Variants in LRRN1 observed in about 807,000 individuals in gnomAD.
LRRN1 encodes leucine-rich repeat neuronal protein 1.
In LRRN1, 14 loss-of-function variants were observed where a neutral mutation model predicts 45.8. The observed-to-expected ratio is 0.31, with a 90% CI of 0.20 to 0.48. The LOEUF (loss-of-function observed/expected upper bound fraction) is 0.48. LRRN1 is among the 20% of genes least tolerant of loss of function. LRRN1 has a pLI of 0.99. For synonymous variants in LRRN1, 359 were observed against 330.1 expected (o/e 1.09, Z -0.95); for missense variants, 789 against 874.2 (o/e 0.90, Z 1.23).
chr3:3,823,797 A>C (rs1440876272), intron 1 of LRRN1, among the ~76,000 whole-genome samples: 1 of 152,120 alleles, frequency 6.6e-6, no homozygotes, highest in East Asian at 1.9e-4. Flanking sequence ...AGCTAAACAC[A>C]GTTTCTCTTA....
intron 1 of LRRN1, among the ~76,000 whole-genome samples, chr3:3,831,119 C>G (rs1440433506): frequency 6.6e-6 from 1 of 152,184 alleles, no homozygotes. Flanking sequence ...TGCTTCTGTT[C>G]TGGACCCCAC....
Position 3,845,812 on chromosome 3 carries a change from T to G in LRRN1, c.1171T>G (p.Phe391Val). Residue 391 changes from phenylalanine (F) to valine (V), a missense_variant, in exon 2 of 2, where the codon TTC (phenylalanine) becomes GTC (valine). Transcript: ENST00000319331. The surrounding 1 kb of genome is among the most constrained non-coding windows in gnomAD (Gnocchi z 6.5). ...TAACTCCAACAAAACCAACATCCGCTTCATGGAGCCCCTGTCCATGTTCTG... is the reference window on the plus strand; with the variant it reads ...TAACTCCAACAAAACCAACATCCGCGTCATGGAGCCCCTGTCCATGTTCTG... ...WINSNKTNIR[F>V]MEPLSMFCAM... 1 of 1,614,124 alleles carries G rather than the reference T, an allele frequency of 6.2e-7. No homozygotes were observed. The highest frequency in any genetic ancestry group is 8.5e-7 in the Non-Finnish European group (1 of 1,180,028).
Position 3,844,641 on chromosome 3 carries a change from C to A in LRRN1, c.-1C>A. ...GAGTTGAGCTTGCTCAGCAAGCCAG[C>A]ATGGCTAGGATGAGCTTTGTTATAG... On this transcript the variant is annotated 5_prime_UTR_variant, in exon 2 of 2. Transcript: ENST00000319331. The A allele has an allele frequency of 6.2e-7, 1 of 1,604,732 alleles. No individual in the cohort carries two copies. Among genetic ancestry groups the A allele is most frequent in the Non-Finnish European group, 8.5e-7 (1 of 1,174,114 alleles).
intron 1 of LRRN1, among the ~76,000 whole-genome samples, chr3:3,836,878 G>C (rs1342157098): frequency 2.0e-5 from 3 of 152,102 alleles, no homozygotes; most frequent in African/African-American, 7.2e-5. Flanking sequence ...CATGTGGTTG[G>C]CCTGCTATTA....
At position 3,817,692 on chromosome 3, in the gene LRRN1, GT is replaced by G. The variant is rs1330289579; in HGVS notation, c.-279+17787del. Among the ~76,000 whole-genome samples, 236 of 141,124 alleles carry G rather than the reference GT, an allele frequency of 1.7e-3. 2 individuals are homozygous for G. The highest frequency in any genetic ancestry group is 8.7e-3 in the East Asian group (42 of 4,826). The allele number at this position is 141,124 out of a possible 152,430, so 92.6% of individuals were successfully genotyped here. On this transcript the variant is annotated intron_variant, in intron 1 of 1. Coordinates refer to ENST00000319331, the MANE Select transcript of LRRN1 (RefSeq NM_020873.7). ...CCCGTCTTAAGGACATTGGATGTTA[GT>G]TTTTTTTTTTTTTAAATAAAAATGT...
At chr3:3,803,485 G>A (rs992512174) in intron 1 of LRRN1, among the ~76,000 whole-genome samples, 11 of 152,146 alleles carry the variant, frequency 7.2e-5, no homozygotes, top group Admixed American at 1.3e-4. Context: ...CAGCACTAAT[G>A]TCAGGTTATT....
intron 1 of LRRN1, among the ~76,000 whole-genome samples, chr3:3,822,491 C>T (rs1452196136): frequency 3.3e-5 from 5 of 152,102 alleles, no homozygotes; most frequent in South Asian, 2.1e-4. Flanking sequence ...AGATGCCTAT[C>T]TCTTGTTTTA....
rs912401738 is a variant in LRRN1, at chr3:3,835,929, G to C, written c.-278-8435G>C. On this transcript the variant is annotated intron_variant, in intron 1 of 1. Coordinates refer to ENST00000319331, the MANE Select transcript of LRRN1 (RefSeq NM_020873.7). Reference sequence around the variant, plus strand: ...TTGTGGGACTCTTGAAATGCATCCCGTGCCAATTCTGGGCCTTAAAGCCAT... The same window carrying C: ...TTGTGGGACTCTTGAAATGCATCCCCTGCCAATTCTGGGCCTTAAAGCCAT... Among the ~76,000 whole-genome samples, 3 of 151,604 alleles carry C rather than the reference G, an allele frequency of 2.0e-5. No individual in the cohort carries two copies. In the South Asian group the frequency reaches 6.2e-4, roughly 31 times the overall value.
chr3:3,823,230 T>A (rs1044681086), intron 1 of LRRN1, among the ~76,000 whole-genome samples: 1 of 152,142 alleles, frequency 6.6e-6, no homozygotes, highest in Non-Finnish European at 1.5e-5. Flanking sequence ...GTGTGTCCTG[T>A]GGGAGGTGGT....
intron 1 of LRRN1, among the ~76,000 whole-genome samples, chr3:3,807,779 G>A (rs1406767278): frequency 6.6e-6 from 1 of 152,122 alleles, no homozygotes; most frequent in Non-Finnish European, 1.5e-5. Flanking sequence ...GAACCATAAG[G>A]ACAGTGGAGT....
At chr3:3,819,572 T>C (rs1693059979) in intron 1 of LRRN1, among the ~76,000 whole-genome samples, 1 of 152,172 alleles carries the variant, frequency 6.6e-6, no homozygotes, top group African/African-American at 2.4e-5. Flanking sequence ...TGTCACATGG[T>C]GTTTTTGCTG....
intron 1 of LRRN1, among the ~76,000 whole-genome samples, chr3:3,811,944 C>T (rs1336855922): frequency 6.6e-6 from 1 of 152,194 alleles, no homozygotes; most frequent in Non-Finnish European, 1.5e-5. Context: ...CACGTAATAG[C>T]TGTGCTCAGT....
chr3:3,832,895 G>A (rs886099648), intron 1 of LRRN1, among the ~76,000 whole-genome samples: 5 of 152,170 alleles, frequency 3.3e-5, no homozygotes, highest in African/African-American at 1.2e-4. Context: ...TTAGCCAATG[G>A]CAGAGCTCTA....
chr3:3,827,566 A>G, intron 1 of LRRN1: 1 of 449,712 alleles, frequency 2.2e-6, no homozygotes. Context: ...CCATTATTCA[A>G]GCCATTCCTA....
Position 3,846,934 on chromosome 3 carries a change from A to T in LRRN1, c.*142A>T. On this transcript the variant is annotated 3_prime_UTR_variant, in exon 2 of 2. Coordinates refer to ENST00000319331, the MANE Select transcript of LRRN1 (RefSeq NM_020873.7). The surrounding 1 kb of genome is among the most constrained non-coding windows in gnomAD (Gnocchi z 5.7). ...TGGAGAGGACGGGTGGATATTTCAA[A>T]TTTTTTTAGTATAGCGTATCGCAAG... is the stretch of plus-strand genomic sequence containing the variant. 3 of 671,080 alleles carry T rather than the reference A, an allele frequency of 4.5e-6. No homozygotes were observed. The highest frequency in any genetic ancestry group is 7.4e-6 in the Non-Finnish European group (3 of 404,518). The allele number at this position is 671,080 out of a possible 1,614,324, so 41.6% of individuals were successfully genotyped here. A position where few individuals can be genotyped will look rare whatever the true frequency, so the allele number is the denominator to read the frequency against.
At chr3:3,810,212 A>G (rs1281824600) in intron 1 of LRRN1, among the ~76,000 whole-genome samples, 1 of 152,120 alleles carries the variant, frequency 6.6e-6, no homozygotes, top group Non-Finnish European at 1.5e-5. Context: ...GATTCATGGA[A>G]TCACATTTTC....
chr3:3,829,269 G>C (rs988843269), intron 1 of LRRN1, among the ~76,000 whole-genome samples: 1 of 152,142 alleles, frequency 6.6e-6, no homozygotes, highest in East Asian at 1.9e-4. Flanking sequence ...CTTAAAGGTA[G>C]AGGGAGCCCA....
At chr3:3,822,268 A>G (rs554348193) in intron 1 of LRRN1, among the ~76,000 whole-genome samples, 1 of 152,338 alleles carries the variant, frequency 6.6e-6, no homozygotes, top group African/African-American at 2.4e-5. Context: ...AATAAGAACT[A>G]ACTGCTGTTA....
Position 3,845,681 on chromosome 3 carries a change from A to G in LRRN1, c.1040A>G (p.Asn347Ser), listed in dbSNP as rs567027189. ...PALESLMLNNNALNAIYQKTV... is the reference protein window; with the variant it reads ...PALESLMLNNSALNAIYQKTV... ...CTGGAAAGCTTGATGCTGAACAACA[A>G]TGCCTTGAATGCCATTTACCAAAAG... The change falls in exon 2 of 2, where the codon AAT (asparagine) becomes AGT (serine). Residue 347 changes from asparagine (N) to serine (S), a missense_variant. Physicochemically the swap from Asn to Ser is conservative, Grantham distance 46. Transcript: ENST00000319331. This position sits in a 1 kb window ranked among gnomAD's most constrained non-coding sequence, Gnocchi z 6.5. 2 of 1,614,022 alleles carry G rather than the reference A, an allele frequency of 1.2e-6. No individual in the cohort carries two copies. Among genetic ancestry groups the G allele is most frequent in the African/African-American group, 1.3e-5 (1 of 75,004 alleles).
Sources: gnomAD v4.1 joint callset for allele counts (sites outside exome capture counted in the v4.1 genomes callset) on GRCh38, gnomAD v4.1.1 for gene constraint, Gnocchi (gnomAD v3.1) non-coding constraint, MANE v1.5 for transcripts, NCBI Gene and HGNC (gene_info 2026-07-23, HGNC 2026-07-21) for gene names.